Variants in KLHL29 observed in about 807,000 individuals in gnomAD.
KLHL29 encodes kelch like family member 29.
In KLHL29, 21 loss-of-function variants were observed where a neutral mutation model predicts 80.4. The ratio of observed to expected loss-of-function variants is 0.26; its 90% CI spans 0.19 to 0.38. The LOEUF (loss-of-function observed/expected upper bound fraction) is 0.38. Among genes scored for constraint, KLHL29 ranks in the 10% least tolerant of loss-of-function variants. The pLI is 1.00. For missense variants in KLHL29, 867 were observed against 1,223.9 expected (o/e 0.71, Z 4.35); for synonymous variants, 511 against 526.8 (o/e 0.97, Z 0.41).
At chr2:23,643,296 A>G (rs929527806) in intron 5 of KLHL29, 2 of 315,520 alleles carry the variant, frequency 6.3e-6, no homozygotes, top group African/African-American at 2.1e-5. Context: ...TGTCCTTCCC[A>G]GGGAAGGCAC....
chr2:23,568,037 G>A (rs1667632269), intron 3 of KLHL29, among the ~76,000 whole-genome samples: 1 of 152,178 alleles, frequency 6.6e-6, no homozygotes, highest in African/African-American at 2.4e-5. Context: ...CAGTCACAAA[G>A]TGTGTACAAA....
chr2:23,469,082 C>A (rs993757275), intron 1 of KLHL29, among the ~76,000 whole-genome samples: 3 of 152,224 alleles, frequency 2.0e-5, no homozygotes, highest in Non-Finnish European at 2.9e-5. Context: ...CCACAAGACT[C>A]CAGTCAAGTC....
chr2:23,545,507 G>T (rs1397114506), intron 2 of KLHL29, among the ~76,000 whole-genome samples: 1 of 152,146 alleles, frequency 6.6e-6, no homozygotes, highest in East Asian at 1.9e-4. Context: ...CTCGGGGTGG[G>T]GTGTCCCCAG....
At chr2:23,467,187 T>C (rs1572339076) in intron 1 of KLHL29, among the ~76,000 whole-genome samples, 1 of 152,214 alleles carries the variant, frequency 6.6e-6, no homozygotes, top group East Asian at 1.9e-4. Flanking sequence ...GCTGCTCAGC[T>C]GCTGGCCTCC....
intron 12 of KLHL29, 110 bp downstream of exon 12, chr2:23,703,489 C>A: frequency 9.0e-7 from 1 of 1,112,072 alleles, no homozygotes; most frequent in Non-Finnish European, 1.2e-6. Context: ...GCTCTGCAGA[C>A]CCAGATCTAG....
At chr2:23,587,503 C>T (rs1668150475) in intron 3 of KLHL29, among the ~76,000 whole-genome samples, 1 of 152,092 alleles carries the variant, frequency 6.6e-6, no homozygotes, top group South Asian at 2.1e-4. Flanking sequence ...CTACCCGAGT[C>T]CCCCCTCCAC....
intron 6 of KLHL29, among the ~76,000 whole-genome samples, chr2:23,686,186 G>T (rs1671250712): frequency 6.6e-6 from 1 of 152,132 alleles, no homozygotes; most frequent in South Asian, 2.1e-4. Flanking sequence ...GGGCTGCACT[G>T]GGGCAGGCAA....
chr2:23,613,788 A>AAAAAAAAAAAC lies in KLHL29; in HGVS notation c.286-25349_286-25348insAAAAAAAACAA, dbSNP rs1553344242. On this transcript the variant is annotated intron_variant, in intron 3 of 13. Transcript: ENST00000486442. ...CAAAAAAAAAAAAAAAAAAAAAAAAAAACCCACCACTCTCAGCTCACCAGG... is the reference window on the plus strand; with the variant it reads ...CAAAAAAAAAAAAAAAAAAAAAAAAAAAAAAAAAAACAACCCACCACTCTCAGCTCACCAGG... 4.9e-4 allele frequency among the ~76,000 whole-genome samples: 72 copies of AAAAAAAAAAAC among 147,338 alleles called. 2 individuals carry two copies. The highest frequency in any genetic ancestry group is 9.1e-4 in the Non-Finnish European group (60 of 66,268).
intron 6 of KLHL29, among the ~76,000 whole-genome samples, chr2:23,685,963 C>T (rs1384851149): frequency 3.3e-5 from 5 of 152,236 alleles, no homozygotes; most frequent in Admixed American, 1.3e-4. Flanking sequence ...CCAGCTAGAA[C>T]GTGGTGGGTG....
chr2:23,673,654 A>G (rs1670838489), intron 5 of KLHL29, among the ~76,000 whole-genome samples: 1 of 150,600 alleles, frequency 6.6e-6, no homozygotes, highest in South Asian at 2.1e-4. Context: ...ACCCCTACAC[A>G]GACACATACA....
rs1668555257 is a variant in KLHL29, at chr2:23,601,009, A to G, written c.286-38130A>G. Among the ~76,000 whole-genome samples, 11 of 152,232 alleles carry G rather than the reference A, an allele frequency of 7.2e-5. No homozygotes were observed. The South Asian group carries it at 2.3e-3, about 32-fold the overall frequency. The stretch of plus-strand genomic sequence containing the variant: ...CTCACAACAACCCTGTGATGTAGGT[A>G]TTGCCATTCCCGTTTTATAGAGAAG... On this transcript the variant is annotated intron_variant, in intron 3 of 13. Transcript: ENST00000486442.
At chr2:23,483,135 C>T (rs1196632470) in intron 2 of KLHL29, among the ~76,000 whole-genome samples, 1 of 152,050 alleles carries the variant, frequency 6.6e-6, no homozygotes, top group African/African-American at 2.4e-5. Flanking sequence ...TTGTAGGCAC[C>T]GGGGGTATCA....
chr2:23,558,885 CA>C (rs1558387903), intron 2 of KLHL29, among the ~76,000 whole-genome samples: 1 of 152,240 alleles, frequency 6.6e-6, no homozygotes, highest in Non-Finnish European at 1.5e-5. Flanking sequence ...AGGTACTGAA[CA>C]CCCTTCTTTG....
At chr2:23,476,049 G>A (rs780284990) in intron 2 of KLHL29, among the ~76,000 whole-genome samples, 24 of 152,130 alleles carry the variant, frequency 1.6e-4, no homozygotes, top group Middle Eastern at 6.8e-3. Flanking sequence ...TGGCTATCAC[G>A]TGTGCTATCA....
intron 1 of KLHL29, among the ~76,000 whole-genome samples, chr2:23,429,163 C>T (rs1218660324): frequency 6.6e-6 from 1 of 152,242 alleles, no homozygotes; most frequent in Non-Finnish European, 1.5e-5. Context: ...CCCAGGCACG[C>T]ACGTGTGCAT....
At chr2:23,580,074 A>G (rs1254620096) in intron 3 of KLHL29, among the ~76,000 whole-genome samples, 1 of 152,232 alleles carries the variant, frequency 6.6e-6, no homozygotes, top group Non-Finnish European at 1.5e-5. Context: ...AATTCCACGT[A>G]AAAAATCTAG....
At chr2:23,661,902 CGCCAGG>C in intron 5 of KLHL29, among the ~76,000 whole-genome samples, 1 of 152,366 alleles carries the variant, frequency 6.6e-6, no homozygotes, top group East Asian at 1.9e-4. Context: ...CTGGGCAGGT[CGCCAGG>C]TATCCTCTAG....
intron 5 of KLHL29, chr2:23,671,849 C>A (rs1315509242): frequency 6.6e-6 from 1 of 152,286 alleles, no homozygotes; most frequent in Non-Finnish European, 1.5e-5. Flanking sequence ...GGAGACTGCG[C>A]CCATGTAGGA....
intron 1 of KLHL29, among the ~76,000 whole-genome samples, chr2:23,453,585 C>A (rs1414505514): frequency 6.6e-6 from 1 of 152,164 alleles, no homozygotes; most frequent in African/African-American, 2.4e-5. Flanking sequence ...TTCTGGCAGC[C>A]CCAGGATGCC....
Sources: gnomAD v4.1 joint callset for allele counts (sites outside exome capture counted in the v4.1 genomes callset) on GRCh38, gnomAD v4.1.1 for gene constraint, MANE v1.5 for transcripts, NCBI Gene and HGNC (gene_info 2026-07-23, HGNC 2026-07-21) for gene names.